Variants in RDH8 observed in about 807,000 individuals in gnomAD.
The protein encoded by RDH8 is photoreceptor outer segment all-trans retinol dehydrogenase.
In RDH8, 14 loss-of-function variants were observed where a neutral mutation model predicts 22.3. The observed-to-expected ratio is 0.63, with a 90% confidence interval of 0.42 to 0.98. RDH8 has a LOEUF of 0.98. Among genes scored for constraint, RDH8 ranks in the 50% least tolerant of loss-of-function variants. The pLI, the probability that RDH8 is intolerant of heterozygous loss-of-function variation, is 0.00. For missense variants in RDH8, 389 were observed against 409.8 expected, an observed-to-expected ratio of 0.95 and a Z score of 0.44; for synonymous variants, 175 against 171.7, an observed-to-expected ratio of 1.02 and a Z score of -0.15.
At chr19:10,013,913 A>G (rs566445826) in intron 1 of RDH8, among the ~76,000 whole-genome samples, 17 of 152,114 alleles carry the variant, frequency 1.1e-4, no homozygotes, top group African/African-American at 3.9e-4. Flanking sequence ...ATAAGTGCTG[A>G]GACACAAAAT....
Position 10,021,562 on chromosome 19 carries a change from G to A in RDH8, c.749G>A (p.Arg250Gln), listed in dbSNP as rs776239895. The A allele has an allele frequency of 1.7e-5, 27 of 1,613,846 alleles. No individual in the cohort carries two copies. Among genetic ancestry groups the A allele is most frequent in the Non-Finnish European group, 2.3e-5 (27 of 1,180,012 alleles). Residue 250 changes from arginine to glutamine, a missense_variant, in exon 6 of 6, where the codon CGA (arginine) becomes CAA (glutamine). By Grantham distance (43) the Arg-to-Gln change is conservative (BLOSUM62 1). Coordinates refer to ENST00000591589, the MANE Select transcript of RDH8 (RefSeq NM_015725.4). ...ATTGTCAACGTCATCAGCTCGACTC[G>A]ACCACCCCTGCGCCGACAGACCAAC... Reference protein sequence around the residue: ...QAIVNVISSTRPPLRRQTNIR... With the variant: ...QAIVNVISSTQPPLRRQTNIR...
chr19:10,016,166 T>TA (rs1262560680), intron 1 of RDH8, among the ~76,000 whole-genome samples: 2 of 147,282 alleles, frequency 1.4e-5, no homozygotes, highest in East Asian at 3.9e-4. Flanking sequence ...TTTATTTATT[T>TA]TGAGACAGTC....
chr19:10,020,850 G>A (rs1227151637), intron 4 of RDH8, 48 bp downstream of exon 4: 1 of 1,379,496 alleles, frequency 7.2e-7, no homozygotes, highest in Non-Finnish European at 1.0e-6. Flanking sequence ...GTGATGGGGA[G>A]GTGGCATCGA....
chr19:10,020,921 C>T, intron 4 of RDH8, 119 bp downstream of exon 4: 2 of 774,452 alleles, frequency 2.6e-6, no homozygotes, highest in Non-Finnish European at 4.3e-6. Flanking sequence ...CCTGTAAGTC[C>T]AGCGTTTTGA....
chr19:10,020,104 G>T (rs931960116), intron 3 of RDH8, among the ~76,000 whole-genome samples: 1 of 151,952 alleles, frequency 6.6e-6, no homozygotes, highest in African/African-American at 2.4e-5. Context: ...ACGACAGAGT[G>T]AGACTCCGTC....
At position 10,021,880 on chromosome 19, in the gene RDH8, A is replaced by G. The variant is rs1167900651; in HGVS notation, c.*131A>G. 1.0e-5 allele frequency: 10 copies of G among 954,108 alleles called. No homozygotes were observed. Among genetic ancestry groups the G allele is most frequent in the Non-Finnish European group, 1.5e-5 (10 of 649,032 alleles). 59.1% of individuals were successfully genotyped at this position (954,108 alleles called of 1,614,324 possible). A position where few individuals can be genotyped will look rare whatever the true frequency, so the allele number is the denominator to read the frequency against. Reference sequence around the variant, plus strand: ...CCCCTCCCCTCCTCTGTGCCTAGACATGGCTAGAATCCCAGAAGGGCCTTT... The same window carrying G: ...CCCCTCCCCTCCTCTGTGCCTAGACGTGGCTAGAATCCCAGAAGGGCCTTT... On this transcript the variant is annotated 3_prime_UTR_variant, in exon 6 of 6. Coordinates refer to ENST00000591589, the MANE Select transcript of RDH8 (RefSeq NM_015725.4).
intron 1 of RDH8, among the ~76,000 whole-genome samples, chr19:10,014,744 C>T (rs1359967765): frequency 1.3e-5 from 2 of 152,102 alleles, no homozygotes; most frequent in African/African-American, 4.8e-5. Context: ...ACCATGTTGG[C>T]CAGACCGGTC....
intron 1 of RDH8, 96 bp from the exon 2 acceptor site, chr19:10,016,961 C>T: frequency 7.6e-7 from 1 of 1,316,600 alleles, no homozygotes; most frequent in Non-Finnish European, 1.0e-6. Context: ...GTTTCCATCT[C>T]TCTGTGACTT....
intron 4 of RDH8, 149 bp from the exon 5 acceptor site, chr19:10,021,106 G>T: frequency 2.7e-6 from 2 of 730,146 alleles, no homozygotes; most frequent in African/African-American, 1.8e-5. Flanking sequence ...CCCAGGAGTT[G>T]GAGGCTGCAG....
At chr19:10,021,099 A>T in intron 4 of RDH8, 156 bp from the exon 5 acceptor site, 1 of 702,850 alleles carries the variant, frequency 1.4e-6, no homozygotes, top group Admixed American at 2.9e-5. Flanking sequence ...GTTTGAACCC[A>T]GGAGTTGGAG....
At chr19:10,019,593 G>T (rs1030861778) in intron 3 of RDH8, among the ~76,000 whole-genome samples, 4 of 152,042 alleles carry the variant, frequency 2.6e-5, no homozygotes, top group Admixed American at 6.6e-5. Context: ...AAGATCAGGA[G>T]TTCAAGACCA....
Position 10,021,557 on chromosome 19 carries a change from G to A in RDH8, c.744G>A (p.Ser248=), listed in dbSNP as rs181170344. The change falls in exon 6 of 6, where the codon TCG becomes TCA. Residue 248 remains serine (S), a synonymous_variant. Coordinates refer to ENST00000591589, the MANE Select transcript of RDH8 (RefSeq NM_015725.4). ...AGGCCATTGTCAACGTCATCAGCTCGACTCGACCACCCCTGCGCCGACAGA... is the reference window on the plus strand; with the variant it reads ...AGGCCATTGTCAACGTCATCAGCTCAACTCGACCACCCCTGCGCCGACAGA... The part of the protein sequence containing the change: ...VVQAIVNVIS[S]TRPPLRRQTN... 19 of 1,614,060 alleles carry A rather than the reference G, an allele frequency of 1.2e-5. No individual in the cohort carries two copies. The highest frequency in any genetic ancestry group is 1.2e-4 in the Admixed American group (7 of 60,020).
Position 10,022,140 on chromosome 19 carries a change from C to A in RDH8, c.*391C>A, listed in dbSNP as rs570471714. The A allele has an allele frequency of 3.4e-4, 76 of 222,870 alleles. 1 individual carries two copies. The South Asian group carries it at 5.7e-3, about 17-fold the overall frequency. The allele number at this position is 222,870 out of a possible 1,614,324, so 13.8% of individuals were successfully genotyped here. On this transcript the variant is annotated 3_prime_UTR_variant, in exon 6 of 6. Coordinates refer to ENST00000591589, the MANE Select transcript of RDH8 (RefSeq NM_015725.4). ...AACACAGGAATGATTCATAGCCCAC[C>A]CCCCACCTCCATGCATACACCAGAG...
At chr19:10,021,086 A>G in intron 4 of RDH8, 169 bp from the exon 5 acceptor site, 1 of 667,894 alleles carries the variant, frequency 1.5e-6, no homozygotes, top group Middle Eastern at 3.9e-4. Flanking sequence ...GAGGCGGAGG[A>G]TTGTTTGAAC....
chr19:10,016,300 C>T (rs1183914751), intron 1 of RDH8, among the ~76,000 whole-genome samples: 3 of 144,364 alleles, frequency 2.1e-5, no homozygotes, highest in African/African-American at 7.9e-5. Context: ...GCGCCTGCCA[C>T]CACGCCAGGC....
chr19:10,021,578 ACAGACCAACATCCG>A lies in RDH8; in HGVS notation c.767_780del (p.Gln256LeufsTer63), dbSNP rs1432318134. ...GCTCGACTCGACCACCCCTGCGCCGACAGACCAACATCCGCTACTCGCCGCTGACCACGCTCAAA... is the reference window on the plus strand; with the variant it reads ...GCTCGACTCGACCACCCCTGCGCCGACTACTCGCCGCTGACCACGCTCAAA... On this transcript the variant is annotated frameshift_variant, in exon 6 of 6. Transcript: ENST00000591589. LOFTEE classifies it low-confidence loss of function (END_TRUNC). 1.2e-6 allele frequency: 2 copies of A among 1,614,006 alleles called. No homozygotes were observed. The highest frequency in any genetic ancestry group is 1.7e-6 in the Non-Finnish European group (2 of 1,180,024).
rs1232945868 is a variant in RDH8, at chr19:10,021,556, C to T, written c.743C>T (p.Ser248Leu). ...CAGGCCATTGTCAACGTCATCAGCTCGACTCGACCACCCCTGCGCCGACAG... is the reference window on the plus strand; with the variant it reads ...CAGGCCATTGTCAACGTCATCAGCTTGACTCGACCACCCCTGCGCCGACAG... The part of the protein sequence containing the change: ...VVQAIVNVIS[S>L]TRPPLRRQTN... The change falls in exon 6 of 6, where the codon TCG (serine) becomes TTG (leucine). Residue 248 changes from serine to leucine, a missense_variant. Physicochemically the swap from Ser to Leu is moderately radical, Grantham distance 145. Coordinates refer to ENST00000591589, the MANE Select transcript of RDH8 (RefSeq NM_015725.4). 4 of 1,614,006 alleles carry T rather than the reference C, an allele frequency of 2.5e-6. No homozygotes were observed. The highest frequency in any genetic ancestry group is 2.2e-5 in the East Asian group (1 of 44,886).
chr19:10,020,757 G>A lies in RDH8; in HGVS notation c.491G>A (p.Gly164Glu). The stretch of plus-strand genomic sequence containing the variant: ...GCAGCTTCCAAGTTCGCCCTGGAGG[G>A]ATTCTTCGAAAGCCTCGCTATCCAG... ...VYAASKFALE[G>E]FFESLAIQLL... is the part of the protein sequence containing the mutation. Residue 164 changes from glycine to glutamate, a missense_variant, in exon 4 of 6, where the codon GGA (glycine) becomes GAA (glutamate). By Grantham distance (98) the Gly-to-Glu change is moderately conservative (BLOSUM62 -2). Coordinates refer to ENST00000591589, the MANE Select transcript of RDH8 (RefSeq NM_015725.4). 1 of 1,611,500 alleles carries A rather than the reference G, an allele frequency of 6.2e-7. No homozygotes were observed. Among genetic ancestry groups the A allele is most frequent in the Non-Finnish European group, 8.5e-7 (1 of 1,178,710 alleles).
rs1446170808 is a variant in RDH8, at chr19:10,017,107, G to C, written c.154G>C (p.Ala52Pro). The change falls in exon 2 of 6, where the codon GCT (alanine) becomes CCT (proline). Residue 52 changes from alanine (A) to proline (P), a missense_variant. Coordinates refer to ENST00000591589, the MANE Select transcript of RDH8 (RefSeq NM_015725.4). ...LGKKETLEAA[A>P]GEALGQTLTV... is the part of the protein sequence containing the mutation. ...GAAGAAGGAGACACTGGAGGCAGCTGCTGGGGAGGCTCTGGGGCAGACCCT... is the reference window on the plus strand; with the variant it reads ...GAAGAAGGAGACACTGGAGGCAGCTCCTGGGGAGGCTCTGGGGCAGACCCT... The C allele has an allele frequency of 1.9e-6, 3 of 1,605,456 alleles. No individual in the cohort carries two copies. Among genetic ancestry groups the C allele is most frequent in the African/African-American group, 2.7e-5 (2 of 74,820 alleles).
Sources: gnomAD v4.1 joint callset for allele counts (sites outside exome capture counted in the v4.1 genomes callset) on GRCh38, gnomAD v4.1.1 for gene constraint, MANE v1.5 for transcripts, NCBI Gene and HGNC (gene_info 2026-07-23, HGNC 2026-07-21) for gene names.